The following FAM178B variants were observed in gnomAD, a reference collection of about 807,000 sequenced individuals.
The protein encoded by FAM178B is protein FAM178B.
FAM178B carries 82 observed loss-of-function variants against 91.7 expected under a neutral mutation model. The observed-to-expected ratio is 0.89, with a 90% CI of 0.75 to 1.07. The LOEUF (loss-of-function observed/expected upper bound fraction) is 1.07, where lower values mean the gene tolerates loss of function less well. FAM178B is among the 50% of genes least tolerant of loss of function. FAM178B has a pLI of 0.00. For synonymous variants in FAM178B, 368 were observed against 359.4 expected, an observed-to-expected ratio of 1.02 and a Z score of -0.27; for missense variants, 769 against 846.7, an observed-to-expected ratio of 0.91 and a Z score of 1.14.
chr2:96,888,663 G>A (rs889113009), intron 14 of FAM178B, among the ~76,000 whole-genome samples: 6 of 152,218 alleles, frequency 3.9e-5, no homozygotes, highest in African/African-American at 1.4e-4. Flanking sequence ...ACAGCAGCGG[G>A]AGCGAAGCAG....
intron 14 of FAM178B, among the ~76,000 whole-genome samples, chr2:96,887,044 C>T (rs2080542113): frequency 6.6e-6 from 1 of 152,160 alleles, no homozygotes; most frequent in African/African-American, 2.4e-5. Context: ...GAAACCCCAT[C>T]TCTACTAAAA....
chr2:96,986,552 GC>G lies in FAM178B; in HGVS notation c.-240del, dbSNP rs2082428362. 1 of 515,272 alleles carries G rather than the reference GC, an allele frequency of 1.9e-6. No homozygotes were observed. Among genetic ancestry groups the G allele is most frequent in the Non-Finnish European group, 3.4e-6 (1 of 291,022 alleles). 31.9% of individuals were successfully genotyped at this position (515,272 alleles called of 1,614,324 possible). On this transcript the variant is annotated 5_prime_UTR_variant, in exon 1 of 17. Transcript: ENST00000490605. ...CGGCCAGCTCACAGCCGCCGCCGCC[GC>G]CAGCTGGGGAGCTCGCCGGCCAAGT...
At chr2:96,956,115 G>A (rs2153374063) in intron 6 of FAM178B, among the ~76,000 whole-genome samples, 1 of 152,342 alleles carries the variant, frequency 6.6e-6, no homozygotes, top group East Asian at 1.9e-4. Flanking sequence ...TAACTGAGCA[G>A]GGCAGACAAA....
intron 12 of FAM178B, among the ~76,000 whole-genome samples, chr2:96,913,649 G>A (rs1357872041): frequency 6.6e-6 from 1 of 152,214 alleles, no homozygotes; most frequent in East Asian, 1.9e-4. Context: ...CGCTCCATCA[G>A]TCAGTTCCTC....
At position 96,903,049 on chromosome 2, in the gene FAM178B, A is replaced by T. The variant is rs546223242; in HGVS notation, c.1563-342T>A. ...TGAACTGCTTATTTTATTTTATTTT[A>T]TTTTTTTTGAGACGGAGTCTCGCTC... On this transcript the variant is annotated intron_variant, in intron 12 of 16. Coordinates refer to ENST00000490605, the MANE Select transcript of FAM178B (RefSeq NM_001122646.3). 7.7e-4 allele frequency among the ~76,000 whole-genome samples: 116 copies of T among 151,610 alleles called. No homozygotes were observed. The South Asian group carries it at 8.7e-3, about 11-fold the overall frequency.
intron 5 of FAM178B, among the ~76,000 whole-genome samples, 198 bp downstream of exon 5, chr2:96,967,322 C>G (rs879301360): frequency 5.9e-5 from 9 of 152,174 alleles, no homozygotes; most frequent in Non-Finnish European, 1.2e-4. Flanking sequence ...TCAAATGAGA[C>G]CCTGATGCAC....
intron 8 of FAM178B, among the ~76,000 whole-genome samples, chr2:96,939,512 AAC>A (rs1401906047): frequency 6.6e-6 from 1 of 152,138 alleles, no homozygotes; most frequent in Admixed American, 6.5e-5. Flanking sequence ...AAACAAAACA[AAC>A]AAATGAACAA....
At chr2:96,970,489 G>A (rs995066296) in intron 4 of FAM178B, among the ~76,000 whole-genome samples, 1 of 152,146 alleles carries the variant, frequency 6.6e-6, no homozygotes, top group African/African-American at 2.4e-5. Context: ...AGGTGGAGAG[G>A]GGACCCAGAA....
At chr2:96,886,430 G>A (rs2080522996) in intron 14 of FAM178B, among the ~76,000 whole-genome samples, 1 of 152,188 alleles carries the variant, frequency 6.6e-6, no homozygotes, top group Admixed American at 6.5e-5. Flanking sequence ...CAGGTAGAGT[G>A]TTAGGTTAGA....
chr2:96,937,858 T>C (rs1462054771), intron 8 of FAM178B, among the ~76,000 whole-genome samples: 2 of 151,966 alleles, frequency 1.3e-5, no homozygotes, highest in African/African-American at 4.8e-5. Context: ...AGACCCTATC[T>C]CTACAAAAAA....
chr2:96,980,381 A>T (rs1250772286), intron 1 of FAM178B, among the ~76,000 whole-genome samples: 1 of 148,786 alleles, frequency 6.7e-6, no homozygotes, highest in Non-Finnish European at 1.5e-5. Flanking sequence ...CGGTCTCCTT[A>T]TGTAATTTAA....
At chr2:96,926,529 C>T (rs913958767) in intron 9 of FAM178B, among the ~76,000 whole-genome samples, 8 of 152,302 alleles carry the variant, frequency 5.3e-5, no homozygotes, top group African/African-American at 1.7e-4. Context: ...TGTGTTGCAG[C>T]GTGGGCATGA....
chr2:96,920,805 G>C (rs1470056185), intron 12 of FAM178B, among the ~76,000 whole-genome samples: 2 of 152,166 alleles, frequency 1.3e-5, no homozygotes, highest in African/African-American at 4.8e-5. Flanking sequence ...ACAGAAGGAT[G>C]AATCGAGAGT....
intron 6 of FAM178B, among the ~76,000 whole-genome samples, chr2:96,959,362 G>T (rs144615191): frequency 1.1e-3 from 175 of 152,250 alleles, no homozygotes; most frequent in African/African-American, 4.0e-3. Context: ...ATATGTGTTT[G>T]TTAACTTTCC....
At chr2:96,920,609 A>T (rs75767691) in intron 12 of FAM178B, among the ~76,000 whole-genome samples, 1 of 150,944 alleles carries the variant, frequency 6.6e-6, no homozygotes, top group Admixed American at 6.6e-5. Context: ...CAAGAAGAAG[A>T]AAAAAAAAAT....
rs1027565687 is a variant in FAM178B, at chr2:96,986,255, C to G, written c.59G>C (p.Arg20Pro). Residue 20 changes from arginine to proline, a missense_variant, in exon 1 of 17, where the codon CGG becomes CCG. Coordinates refer to ENST00000490605, the MANE Select transcript of FAM178B (RefSeq NM_001122646.3). ...LAPQLRRQDQRLHFTGQMSHG... is the reference protein window; with the variant it reads ...LAPQLRRQDQPLHFTGQMSHG... ...AGTTTCCTTACCTGTAAAATGGAGC[C>G]GCTGATCCTGCCTCCTGAGTTGTGG... 3 of 1,534,572 alleles carry G rather than the reference C, an allele frequency of 2.0e-6. 1 individual carries two copies. The South Asian group carries it at 3.6e-5, about 18-fold the overall frequency.
At chr2:96,942,887 T>C (rs1354146931) in intron 8 of FAM178B, among the ~76,000 whole-genome samples, 1 of 152,076 alleles carries the variant, frequency 6.6e-6, no homozygotes, top group Non-Finnish European at 1.5e-5. Context: ...GCCAACAGAA[T>C]TCAATAGGGA....
At chr2:96,965,151 C>G (rs1365135984) in intron 5 of FAM178B, among the ~76,000 whole-genome samples, 1 of 152,164 alleles carries the variant, frequency 6.6e-6, no homozygotes, top group East Asian at 1.9e-4. Flanking sequence ...AGGTACGCGT[C>G]ACCACGCCCA....
intron 9 of FAM178B, among the ~76,000 whole-genome samples, chr2:96,925,232 C>T (rs897696857): frequency 2.0e-5 from 3 of 152,124 alleles, no homozygotes; most frequent in South Asian, 4.1e-4. Flanking sequence ...AGAAGAGAGA[C>T]GCTGCCAAGG....
Sources: allele counts gnomAD v4.1 joint callset (sites outside exome capture counted in the v4.1 genomes callset), GRCh38; gene constraint gnomAD v4.1.1; transcripts MANE v1.5; gene names NCBI Gene and HGNC (gene_info 2026-07-23, HGNC 2026-07-21).